Variants in REDIC1 observed in about 807,000 individuals in gnomAD.
REDIC1 encodes regulator of DNA class I crossover intermediates 1.
chr12:39,723,699 G>A, the REDIC1 span, among the ~76,000 whole-genome samples: 12 of 151,948 alleles, frequency 7.9e-5, no homozygotes, highest in Non-Finnish European at 1.6e-4. Flanking sequence ...AGTGACTTCA[G>A]ATAAGATACT....
chr12:39,713,987 A>G, the REDIC1 span, among the ~76,000 whole-genome samples: 860 of 148,444 alleles, frequency 5.8e-3, 7 homozygotes, highest in African/African-American at 0.02. Flanking sequence ...ACGTATATAT[A>G]CATGTATGTA....
chr12:39,839,599 C>T, the REDIC1 span, among the ~76,000 whole-genome samples: 1 of 152,002 alleles, frequency 6.6e-6, no homozygotes, highest in Non-Finnish European at 1.5e-5. Flanking sequence ...GTTCTCATCC[C>T]TTGTGCTGCT....
At chr12:39,905,711 CT>C in the REDIC1 span, among the ~76,000 whole-genome samples, 1 of 151,356 alleles carries the variant, frequency 6.6e-6, no homozygotes, top group Admixed American at 6.6e-5. Context: ...AATCACACAG[CT>C]AGAGAAATCT....
the REDIC1 span, among the ~76,000 whole-genome samples, chr12:39,799,171 C>T: frequency 2.6e-5 from 4 of 151,280 alleles, no homozygotes; most frequent in African/African-American, 9.7e-5. Flanking sequence ...CAACCTCCGC[C>T]TCCCAGGTTC....
chr12:39,668,171 T>G, the REDIC1 span, among the ~76,000 whole-genome samples: 9 of 152,204 alleles, frequency 5.9e-5, no homozygotes, highest in African/African-American at 2.2e-4. Context: ...TCGATGGTCT[T>G]TACAATTAGG....
At chr12:39,743,474 TA>T in the REDIC1 span, among the ~76,000 whole-genome samples, 7 of 152,164 alleles carry the variant, frequency 4.6e-5, no homozygotes, top group Non-Finnish European at 8.8e-5. Context: ...CAAGGTATAC[TA>T]AAAGGCAAAA....
At chr12:39,772,867 G>T in the REDIC1 span, among the ~76,000 whole-genome samples, 1 of 56,726 alleles carries the variant, frequency 1.8e-5, no homozygotes, top group Non-Finnish European at 4.9e-5. Flanking sequence ...AGGCCAAGTA[G>T]CTCCTCATCA....
At chr12:39,733,099 A>G in the REDIC1 span, among the ~76,000 whole-genome samples, 1 of 148,352 alleles carries the variant, frequency 6.7e-6, no homozygotes, top group Non-Finnish European at 1.5e-5. Flanking sequence ...ACACACACTT[A>G]TTTAAAGATA....
At chr12:39,891,083 C>T in the REDIC1 span, among the ~76,000 whole-genome samples, 1 of 150,864 alleles carries the variant, frequency 6.6e-6, no homozygotes, top group Non-Finnish European at 1.5e-5. Context: ...TTCTGGACAC[C>T]TAAATCACTA....
At chr12:39,631,155 G>C in the REDIC1 span, among the ~76,000 whole-genome samples, 77 of 152,232 alleles carry the variant, frequency 5.1e-4, no homozygotes, top group Non-Finnish European at 9.4e-4. Context: ...CTCCCAAAGT[G>C]CTGGGATTAC....
chr12:39,755,487 T>C, the REDIC1 span: 2 of 152,160 alleles, frequency 1.3e-5, no homozygotes, highest in South Asian at 4.1e-4. Context: ...TCAAGTGATA[T>C]ATAGTCCAAA....
At chr12:39,816,104 G>T in the REDIC1 span, among the ~76,000 whole-genome samples, 1 of 152,160 alleles carries the variant, frequency 6.6e-6, no homozygotes, top group Non-Finnish European at 1.5e-5. Context: ...GTGAGCTGAG[G>T]TCTGAAACAG....
the REDIC1 span, among the ~76,000 whole-genome samples, chr12:39,696,253 C>T: frequency 1.2e-4 from 18 of 151,634 alleles, no homozygotes; most frequent in African/African-American, 2.4e-4. Flanking sequence ...AACTAAATAA[C>T]GCACCAAGGG....
At chr12:39,639,276 T>G in the REDIC1 span, among the ~76,000 whole-genome samples, 6 of 151,982 alleles carry the variant, frequency 3.9e-5, no homozygotes, top group Non-Finnish European at 7.4e-5. Context: ...TAGGGTTCTT[T>G]GCTCAATGAG....
At chr12:39,785,117 TC>T in the REDIC1 span, among the ~76,000 whole-genome samples, 1 of 152,100 alleles carries the variant, frequency 6.6e-6, no homozygotes, top group African/African-American at 2.4e-5. Flanking sequence ...CTAATGTGAA[TC>T]CCCAAGACCA....
the REDIC1 span, among the ~76,000 whole-genome samples, chr12:39,639,013 TG>T: frequency 2.0e-5 from 3 of 152,046 alleles, no homozygotes; most frequent in African/African-American, 7.2e-5. Flanking sequence ...CATTTATTTT[TG>T]TTATCTCTTT....
chr12:39,731,408 T>A, the REDIC1 span, among the ~76,000 whole-genome samples: 5 of 152,098 alleles, frequency 3.3e-5, no homozygotes, highest in African/African-American at 4.8e-5. Context: ...AACAGGCCCC[T>A]CTGCTGCAGG....
At chr12:39,812,970 C>T in the REDIC1 span, among the ~76,000 whole-genome samples, 865 of 135,916 alleles carry the variant, frequency 6.4e-3, 16 homozygotes, top group African/African-American at 0.022. Context: ...GCAGGGATTA[C>T]AGGCGCCTGA....
chr12:39,653,927 A>C, the REDIC1 span, among the ~76,000 whole-genome samples: 1 of 134,760 alleles, frequency 7.4e-6, no homozygotes, highest in Non-Finnish European at 1.6e-5. Context: ...ATTTTTTTAA[A>C]GTATGATGTT....
Sources: gnomAD v4.1 joint callset for allele counts (sites outside exome capture counted in the v4.1 genomes callset) on GRCh38, gnomAD v4.1.1 for gene constraint, MANE v1.5 for transcripts, NCBI Gene and HGNC (gene_info 2026-07-23, HGNC 2026-07-21) for gene names.